The following BTBD16 variants were observed in gnomAD, a reference collection of about 807,000 sequenced individuals.
BTBD16 encodes the protein BTB domain containing 16, also known as BTB/POZ domain-containing protein 16.
Under a neutral mutation model 67.4 loss-of-function variants are expected in BTBD16, and 66 were observed. That is an observed-to-expected ratio of 0.98 (90% CI 0.80 to 1.20). BTBD16 has a LOEUF of 1.20. Ranked by LOEUF, BTBD16 falls within the 50% of genes most tolerant of loss-of-function variation. The pLI is 0.00. For missense variants in BTBD16, 634 were observed against 616.0 expected (o/e 1.03, Z -0.31); for synonymous variants, 242 against 236.4 (o/e 1.02, Z -0.22).
intron 13 of BTBD16, among the ~76,000 whole-genome samples, chr10:122,334,471 A>G (rs1309656786): frequency 3.2e-5 from 4 of 124,516 alleles, no homozygotes; most frequent in Non-Finnish European, 6.4e-5. Flanking sequence ...CTGGGATTAC[A>G]GGTGTGAGCC....
At chr10:122,291,637 G>A (rs1194968107) in intron 7 of BTBD16, 1 of 154,500 alleles carries the variant, frequency 6.5e-6, no homozygotes, top group African/African-American at 2.4e-5. Context: ...ATCACTGTTG[G>A]GCCTACATTT....
At chr10:122,299,160 C>A (rs752498120) in intron 9 of BTBD16, 26 bp downstream of exon 9, 2 of 1,610,684 alleles carry the variant, frequency 1.2e-6, no homozygotes, top group South Asian at 1.1e-5. Context: ...CAGGGTGCGG[C>A]CCCTGAGAGG....
intron 10 of BTBD16, among the ~76,000 whole-genome samples, chr10:122,327,919 T>C (rs1360023606): frequency 3.3e-5 from 5 of 152,194 alleles, no homozygotes; most frequent in Admixed American, 2.6e-4. Context: ...TTTCTGGAAC[T>C]GAATCTGTAT....
chr10:122,281,509 C>T (rs1462242066), intron 3 of BTBD16, among the ~76,000 whole-genome samples: 1 of 152,154 alleles, frequency 6.6e-6, no homozygotes, highest in Non-Finnish European at 1.5e-5. Flanking sequence ...AAGCGGTCCT[C>T]CTCCCTCACC....
At chr10:122,288,575 G>T (rs1450195755) in intron 5 of BTBD16, among the ~76,000 whole-genome samples, 2 of 151,950 alleles carry the variant, frequency 1.3e-5, no homozygotes, top group Non-Finnish European at 2.9e-5. Context: ...ACCAGTGTGT[G>T]TGAGCCTGGG....
intron 9 of BTBD16, among the ~76,000 whole-genome samples, chr10:122,302,040 T>C (rs1413344348): frequency 6.6e-6 from 1 of 151,754 alleles, no homozygotes; most frequent in Admixed American, 6.6e-5. Flanking sequence ...AGGGGTGGAG[T>C]GGCCCTTGGC....
chr10:122,337,888 A>T, intron 15 of BTBD16, 129 bp from the exon 16 acceptor site: 1 of 688,912 alleles, frequency 1.5e-6, no homozygotes, highest in South Asian at 1.9e-5. Flanking sequence ...TCTGCAGGTT[A>T]TTCTGATGTG....
intron 6 of BTBD16, among the ~76,000 whole-genome samples, chr10:122,290,368 A>T (rs911393634): frequency 1.3e-5 from 2 of 152,116 alleles, no homozygotes; most frequent in Non-Finnish European, 2.9e-5. Context: ...ATAACACTTT[A>T]CCGGCCTCTT....
intron 6 of BTBD16, 49 bp downstream of exon 6, chr10:122,290,047 C>A: frequency 7.9e-7 from 1 of 1,273,048 alleles, no homozygotes; most frequent in South Asian, 1.3e-5. Flanking sequence ...AACAAATGGT[C>A]CTCCCAGATT....
intron 10 of BTBD16, 79 bp from the exon 11 acceptor site, chr10:122,329,401 C>A (rs980918397): frequency 2.1e-6 from 3 of 1,404,794 alleles, no homozygotes; most frequent in Non-Finnish European, 3.0e-6. Context: ...GTCTCTACAA[C>A]ATGGCTTTCC....
rs2096328465 is a variant in BTBD16 at position 122,271,475 on chromosome 10, C to T, written c.-82C>T. ...AGTTCCTCCACTCAGCACACTTCCC[C>T]TGTAAACACGCCTGTGGTGGGCAAA... On this transcript the variant is annotated 5_prime_UTR_variant, in exon 1 of 16. Transcript: ENST00000260723. The T allele has an allele frequency of 6.6e-6, 1 of 152,336 alleles. No homozygotes were observed. The highest frequency in any genetic ancestry group is 2.4e-5 in the African/African-American group (1 of 41,486). The allele number at this position is 152,336 out of a possible 1,614,324, so 9.4% of individuals were successfully genotyped here.
At chr10:122,299,188 G>A in intron 9 of BTBD16, 54 bp downstream of exon 9, 2 of 1,593,124 alleles carry the variant, frequency 1.3e-6, no homozygotes, top group Non-Finnish European at 1.7e-6. Context: ...GAGAAAGTAG[G>A]GGCCAGGCTG....
At chr10:122,278,334 T>G (rs990000094) in intron 3 of BTBD16, among the ~76,000 whole-genome samples, 2 of 152,190 alleles carry the variant, frequency 1.3e-5, no homozygotes, top group African/African-American at 4.8e-5. Flanking sequence ...CTTCTTCACT[T>G]ACTAATTCTG....
Position 122,316,300 on chromosome 10 carries a change from C to T in BTBD16, c.911+8992C>T, listed in dbSNP as rs535844442. ...AACAAAACAAAACAAAACAAAAATC[C>T]ACTTGTCCTCTTTGCTCCAGCCCCA... On this transcript the variant is annotated intron_variant, in intron 10 of 15. Coordinates refer to ENST00000260723, the MANE Select transcript of BTBD16 (RefSeq NM_144587.5). 3.3e-5 allele frequency among the ~76,000 whole-genome samples: 5 copies of T among 152,038 alleles called. No individual in the cohort carries two copies. In the East Asian group the frequency reaches 5.8e-4, roughly 18 times the overall value.
chr10:122,299,249 C>T, intron 9 of BTBD16, 115 bp downstream of exon 9: 2 of 1,271,632 alleles, frequency 1.6e-6, no homozygotes, highest in Non-Finnish European at 2.1e-6. Flanking sequence ...AGCTTCCTGC[C>T]CTCCTGGACA....
At chr10:122,282,418 G>A (rs758426787) in intron 3 of BTBD16, among the ~76,000 whole-genome samples, 1 of 152,194 alleles carries the variant, frequency 6.6e-6, no homozygotes, top group African/African-American at 2.4e-5. Context: ...AGGGCAGCAC[G>A]TAGTTGGCAA....
chr10:122,316,077 AC>A (rs1234961705), intron 10 of BTBD16, among the ~76,000 whole-genome samples: 1 of 151,948 alleles, frequency 6.6e-6, no homozygotes, highest in Non-Finnish European at 1.5e-5. Context: ...GACCAGCCTG[AC>A]CAACATGGTG....
intron 2 of BTBD16, among the ~76,000 whole-genome samples, chr10:122,275,476 A>G (rs776727463): frequency 6.6e-6 from 1 of 151,930 alleles, no homozygotes; most frequent in African/African-American, 2.4e-5. Flanking sequence ...CACCATCGCC[A>G]TCCTCACTGT....
chr10:122,300,873 G>A (rs1343070625), intron 9 of BTBD16, among the ~76,000 whole-genome samples: 2 of 152,162 alleles, frequency 1.3e-5, no homozygotes, highest in African/African-American at 2.4e-5. Flanking sequence ...GTGTATGTGT[G>A]GAAAGTGTTC....
Sources: allele counts gnomAD v4.1 joint callset (sites outside exome capture counted in the v4.1 genomes callset), GRCh38; gene constraint gnomAD v4.1.1; transcripts MANE v1.5; gene names NCBI Gene and HGNC (gene_info 2026-07-23, HGNC 2026-07-21).